PLEKHA6: variants seen among roughly 807,000 people sequenced by gnomAD.
PLEKHA6 encodes the protein pleckstrin homology domain containing A6.
PLEKHA6 carries 60 observed loss-of-function variants against 116.7 expected under a neutral mutation model. The observed-to-expected ratio is 0.51, with a 90% confidence interval of 0.42 to 0.64. The LOEUF is 0.64. Ranked by LOEUF, PLEKHA6 falls within the 30% of genes least tolerant of loss-of-function variation. The pLI, the probability that PLEKHA6 is intolerant of heterozygous loss-of-function variation, is 0.00. For missense variants in PLEKHA6, 1,338 were observed against 1,422.7 expected (o/e 0.94, Z 0.96); for synonymous variants, 489 against 556.1 (o/e 0.88, Z 1.70).
chr1:204,377,811 C>T (rs1354057458), upstream of PLEKHA6: 2 of 153,152 alleles, frequency 1.3e-5, no homozygotes, highest in Non-Finnish European at 2.9e-5. Flanking sequence ...GGCGTCGCTC[C>T]CGGGTCCCTG....
At chr1:204,348,714 A>ACCCCCCCCCCCCCCTCT (rs3038282) in intron 1 of PLEKHA6, among the ~76,000 whole-genome samples, 1 of 136,642 alleles carries the variant, frequency 7.3e-6, no homozygotes, top group Non-Finnish European at 1.5e-5. Flanking sequence ...CAGGTGCCAA[A>ACCCCCCCCCCCCCCTCT]CCCCCCCCCC....
At chr1:204,320,117 C>G (rs1330444921) in intron 1 of PLEKHA6, among the ~76,000 whole-genome samples, 1 of 152,202 alleles carries the variant, frequency 6.6e-6, no homozygotes, top group Non-Finnish European at 1.5e-5. Context: ...CTTATTCTCT[C>G]CTTTCCCACC....
At chr1:204,343,619 T>A (rs556811760) in intron 1 of PLEKHA6, among the ~76,000 whole-genome samples, 1 of 152,276 alleles carries the variant, frequency 6.6e-6, no homozygotes, top group South Asian at 2.1e-4. Context: ...GTTGAACTGG[T>A]ACCACCGTGT....
At chr1:204,342,046 G>A (rs915943898) in intron 1 of PLEKHA6, among the ~76,000 whole-genome samples, 1 of 152,148 alleles carries the variant, frequency 6.6e-6, no homozygotes, top group Non-Finnish European at 1.5e-5. Flanking sequence ...TTAACCGTGT[G>A]TGGTGGCACA....
At chr1:204,297,722 A>G in intron 1 of PLEKHA6, 1 of 187,708 alleles carries the variant, frequency 5.3e-6, no homozygotes, top group Non-Finnish European at 1.0e-5. Flanking sequence ...CGTGGTTATC[A>G]TTGTCTCAAC....
chr1:204,250,603 G>A lies in PLEKHA6; in HGVS notation c.1536C>T (p.Tyr512=), dbSNP rs1478950996. 2 of 1,612,360 alleles carry A rather than the reference G, an allele frequency of 1.2e-6. No individual in the cohort carries two copies. Among genetic ancestry groups the A allele is most frequent in the South Asian group, 1.1e-5 (1 of 90,720 alleles). ...GGAGGCTGTCCCGGAACACTTCTGG[G>A]TATGGAGGGACCTGCAGGAACATGA... is the stretch of plus-strand genomic sequence containing the variant. ...RSISSPKVPP[Y]PEVFRDSLHT... is the part of the protein sequence containing the mutation. Residue 512 remains tyrosine (Y), a synonymous_variant, in exon 10 of 23, where the codon TAC becomes TAT. Coordinates refer to ENST00000272203, the MANE Select transcript of PLEKHA6 (RefSeq NM_014935.5).
intron 1 of PLEKHA6, among the ~76,000 whole-genome samples, chr1:204,355,957 A>G (rs771348443): frequency 1.1e-4 from 17 of 150,550 alleles, no homozygotes; most frequent in South Asian, 6.3e-4. Context: ...TGTAATACTC[A>G]ATGTTGATGC....
rs768864152 is a variant in PLEKHA6, at chr1:204,257,252, G to A, written c.1524+101C>T. 688 of 1,170,198 alleles carry A rather than the reference G, an allele frequency of 5.9e-4. No individual in the cohort carries two copies. The highest frequency in any genetic ancestry group is 7.7e-4 in the Non-Finnish European group (627 of 815,734). The allele number at this position is 1,170,198 out of a possible 1,614,324, so 72.5% of individuals were successfully genotyped here. A position where few individuals can be genotyped will look rare whatever the true frequency, so the allele number is the denominator to read the frequency against. On this transcript the variant is annotated intron_variant, in intron 9 of 22. Transcript: ENST00000272203. This position sits in a 1 kb window ranked among gnomAD's most constrained non-coding sequence, Gnocchi z 6.5. ...TGCAGACAAACGGCCCAGTGGCCCCGTGGCACAGATGCTCCCACATCTCTG... is the reference window on the plus strand; with the variant it reads ...TGCAGACAAACGGCCCAGTGGCCCCATGGCACAGATGCTCCCACATCTCTG...
intron 1 of PLEKHA6, chr1:204,281,069 T>C (rs916029543): frequency 1.2e-6 from 1 of 827,476 alleles, no homozygotes; most frequent in African/African-American, 1.8e-5. Flanking sequence ...ATGTCTGTAG[T>C]CCCAGCTACT....
chr1:204,334,294 T>G (rs1672561356), intron 1 of PLEKHA6, among the ~76,000 whole-genome samples: 1 of 152,186 alleles, frequency 6.6e-6, no homozygotes, highest in Non-Finnish European at 1.5e-5. Flanking sequence ...AAAGCCTTTG[T>G]ATCCTGCTCA....
chr1:204,341,511 T>C (rs1203093143), intron 1 of PLEKHA6, among the ~76,000 whole-genome samples: 2 of 152,170 alleles, frequency 1.3e-5, no homozygotes, highest in African/African-American at 4.8e-5. Context: ...GTTCATCTGA[T>C]TGCAGGGATG....
chr1:204,288,319 C>T (rs545339186), intron 1 of PLEKHA6, among the ~76,000 whole-genome samples: 19 of 152,304 alleles, frequency 1.2e-4, no homozygotes, highest in Non-Finnish European at 2.2e-4. Flanking sequence ...CTACTCTGCC[C>T]TGAGAAAGTA....
At chr1:204,250,795 C>T (rs532241434) in intron 9 of PLEKHA6, among the ~76,000 whole-genome samples, 181 bp from the exon 10 acceptor site, 9 of 152,268 alleles carry the variant, frequency 5.9e-5, no homozygotes, top group African/African-American at 1.2e-4. Context: ...TGGGATGGCC[C>T]GGCCTAACCC....
At position 204,265,006 on chromosome 1, in the gene PLEKHA6, A is replaced by C. The variant is rs1224574267; in HGVS notation, c.317T>G (p.Leu106Arg). 1 of 1,614,034 alleles carries C rather than the reference A, an allele frequency of 6.2e-7. No individual in the cohort carries two copies. Among genetic ancestry groups the C allele is most frequent in the East Asian group, 2.2e-5 (1 of 44,868 alleles). ...CACTGCGGCTACCCGGAAGCTCAGGAGGGGGATGCTGCCCAGGATACTCTC... is the reference window on the plus strand; with the variant it reads ...CACTGCGGCTACCCGGAAGCTCAGGCGGGGGATGCTGCCCAGGATACTCTC... ...KEESILGSIP[L>R]LSFRVAAVQP... Residue 106 changes from leucine (L) to arginine (R), a missense_variant, in exon 6 of 23, where the codon CTC becomes CGC. Physicochemically the swap from Leu to Arg is moderately radical, Grantham distance 102. Around this residue, in one of 3 missense-constraint regions of PLEKHA6, gnomAD observed 140 missense variants for 197.4 expected, o/e 0.71. Transcript: ENST00000272203.
chr1:204,304,721 C>G (rs1671123916), intron 1 of PLEKHA6, among the ~76,000 whole-genome samples: 2 of 152,160 alleles, frequency 1.3e-5, no homozygotes, highest in Non-Finnish European at 2.9e-5. Context: ...ATCACTGGGC[C>G]AGAAGACAGC....
At chr1:204,260,764 G>A (rs532906449) in intron 7 of PLEKHA6, among the ~76,000 whole-genome samples, 37 of 152,330 alleles carry the variant, frequency 2.4e-4, no homozygotes, top group Middle Eastern at 3.4e-3. Context: ...GGGTGACGGC[G>A]GGCGATGGGA....
intron 17 of PLEKHA6, among the ~76,000 whole-genome samples, chr1:204,233,540 C>A (rs1661519319): frequency 6.6e-6 from 1 of 151,936 alleles, no homozygotes; most frequent in South Asian, 2.1e-4. Context: ...ATGGTTTCAC[C>A]ATGATCCACC....
chr1:204,237,295 T>G (rs1207542293), intron 17 of PLEKHA6, among the ~76,000 whole-genome samples: 1 of 152,148 alleles, frequency 6.6e-6, no homozygotes, highest in East Asian at 1.9e-4. Context: ...CCCTGACTGG[T>G]AGGGTGAGGG....
chr1:204,317,259 G>GA, intron 1 of PLEKHA6: 1 of 961,752 alleles, frequency 1.0e-6, no homozygotes, highest in Non-Finnish European at 1.2e-6. Flanking sequence ...TAGCAGCCCT[G>GA]GGTCCTAGCT....
Sources: gnomAD v4.1 joint callset for allele counts (sites outside exome capture counted in the v4.1 genomes callset) on GRCh38, gnomAD v4.1.1 for gene constraint, gnomAD v4.1.1 regional missense constraint, Gnocchi (gnomAD v3.1) non-coding constraint, MANE v1.5 for transcripts, NCBI Gene and HGNC (gene_info 2026-07-23, HGNC 2026-07-21) for gene names.